TNFSF4: variants seen among roughly 807,000 people sequenced by gnomAD.
TNFSF4 encodes tumor necrosis factor ligand superfamily member 4.
Under a neutral mutation model 7.3 loss-of-function variants are expected in TNFSF4, and 4 were observed. That is an observed-to-expected ratio of 0.55 (90% CI 0.27 to 1.25). TNFSF4 has a LOEUF of 1.25. Among genes scored for constraint, TNFSF4 ranks in the 50% most tolerant of loss-of-function variants. The pLI is 0.12. For synonymous variants in TNFSF4, 76 were observed against 83.7 expected (o/e 0.91, Z 0.50); for missense variants, 181 against 208.8 (o/e 0.87, Z 0.82).
chr1:173,335,213 T>C, the TNFSF4 span, among the ~76,000 whole-genome samples: 1 of 152,084 alleles, frequency 6.6e-6, no homozygotes, highest in East Asian at 1.9e-4. Flanking sequence ...AAACCTGCCT[T>C]CTTTCAATGT....
At chr1:173,216,765 C>T in the TNFSF4 span, among the ~76,000 whole-genome samples, 2 of 152,158 alleles carry the variant, frequency 1.3e-5, no homozygotes, top group East Asian at 1.9e-4. Flanking sequence ...CACAAACACA[C>T]ACATGAAAAA....
At chr1:173,401,369 C>T in the TNFSF4 span, among the ~76,000 whole-genome samples, 1 of 152,112 alleles carries the variant, frequency 6.6e-6, no homozygotes, top group South Asian at 2.1e-4. Context: ...TTGGCTGGAT[C>T]ACAGAAGCTC....
At chr1:173,415,223 T>C in the TNFSF4 span, among the ~76,000 whole-genome samples, 1 of 152,246 alleles carries the variant, frequency 6.6e-6, no homozygotes, top group East Asian at 1.9e-4. Context: ...TAACAGTTTA[T>C]TAGGGGCAAG....
the TNFSF4 span, among the ~76,000 whole-genome samples, chr1:173,399,859 A>G: frequency 1.3e-5 from 2 of 152,206 alleles, no homozygotes; most frequent in African/African-American, 2.4e-5. Flanking sequence ...GGCTACAGCT[A>G]CCACTGAGTG....
chr1:173,312,349 A>T, the TNFSF4 span, among the ~76,000 whole-genome samples: 95 of 152,200 alleles, frequency 6.2e-4, no homozygotes, highest in African/African-American at 2.1e-3. Context: ...TTTTACTCAT[A>T]CAACTGCCTT....
the TNFSF4 span, among the ~76,000 whole-genome samples, chr1:173,241,442 T>C: frequency 6.6e-6 from 1 of 152,256 alleles, no homozygotes; most frequent in Admixed American, 6.5e-5. Context: ...ATTTGTCTTT[T>C]ATCCAGAGGA....
chr1:173,416,638 T>TGA, the TNFSF4 span, among the ~76,000 whole-genome samples: 152 of 110,144 alleles, frequency 1.4e-3, no homozygotes, highest in African/African-American at 3.3e-3. Flanking sequence ...ATTTATTTTT[T>TGA]GAGAGAGAGA....
At chr1:173,360,371 CT>C in the TNFSF4 span, among the ~76,000 whole-genome samples, 1 of 152,212 alleles carries the variant, frequency 6.6e-6, no homozygotes, top group Non-Finnish European at 1.5e-5. Context: ...GCAGAAAAGC[CT>C]TTCAAAAATT....
upstream of TNFSF4, among the ~76,000 whole-genome samples, chr1:173,208,718 G>C (rs908724091): frequency 6.6e-6 from 1 of 152,062 alleles, no homozygotes; most frequent in Non-Finnish European, 1.5e-5. Context: ...TACATACAGG[G>C]TGTGGAGAAA....
chr1:173,226,302 C>T, the TNFSF4 span, among the ~76,000 whole-genome samples: 1 of 152,194 alleles, frequency 6.6e-6, no homozygotes, highest in African/African-American at 2.4e-5. Context: ...ATTTATATCT[C>T]TCCAGTGGAA....
At chr1:173,384,041 C>T in the TNFSF4 span, among the ~76,000 whole-genome samples, 1 of 152,146 alleles carries the variant, frequency 6.6e-6, no homozygotes, top group Non-Finnish European at 1.5e-5. Context: ...GGATATTAGC[C>T]ACTTCATGTA....
At chr1:173,284,207 A>G in the TNFSF4 span, among the ~76,000 whole-genome samples, 1 of 152,204 alleles carries the variant, frequency 6.6e-6, no homozygotes, top group Non-Finnish European at 1.5e-5. Flanking sequence ...CATTCAATGA[A>G]TCATTGTGAC....
intron 1 of TNFSF4, among the ~76,000 whole-genome samples, chr1:173,194,379 C>CAGA (rs1649608285): frequency 6.6e-6 from 1 of 152,098 alleles, no homozygotes; most frequent in African/African-American, 2.4e-5. Flanking sequence ...GAAAATAGTC[C>CAGA]CTGTACATAA....
the TNFSF4 span, among the ~76,000 whole-genome samples, chr1:173,380,509 G>A: frequency 8.6e-5 from 13 of 152,020 alleles, no homozygotes; most frequent in African/African-American, 1.4e-4. Context: ...TGACTTGTCC[G>A]CTTCTCAGGG....
chr1:173,275,542 C>T, the TNFSF4 span, among the ~76,000 whole-genome samples: 1 of 152,156 alleles, frequency 6.6e-6, no homozygotes, highest in African/African-American at 2.4e-5. Context: ...GATTACAACA[C>T]TCTGTTGGCC....
the TNFSF4 span, among the ~76,000 whole-genome samples, chr1:173,241,978 C>T: frequency 2.0e-5 from 3 of 152,270 alleles, no homozygotes; most frequent in Middle Eastern, 3.4e-3. Flanking sequence ...ACAGCCAGGC[C>T]TTTGGGGGCC....
At chr1:173,248,020 A>G in the TNFSF4 span, among the ~76,000 whole-genome samples, 1 of 152,212 alleles carries the variant, frequency 6.6e-6, no homozygotes, top group African/African-American at 2.4e-5. Context: ...GCTGATGAAC[A>G]GGACTTGAGG....
chr1:173,185,953 T>A lies in TNFSF4; in HGVS notation c.*563A>T, dbSNP rs992464324. 3.3e-5 allele frequency: 5 copies of A among 152,322 alleles called. No homozygotes were observed. Among genetic ancestry groups the A allele is most frequent in the Non-Finnish European group, 5.9e-5 (4 of 68,140 alleles). The allele number at this position is 152,322 out of a possible 1,614,324, so 9.4% of individuals were successfully genotyped here. ...GATTTTTCACAAGCTGATTCTTCTT[T>A]TGAACCCCCACCAAATGAGAAAGTT... On this transcript the variant is annotated 3_prime_UTR_variant, in exon 3 of 3. Transcript: ENST00000281834.
At chr1:173,229,983 G>A in the TNFSF4 span, among the ~76,000 whole-genome samples, 1 of 151,916 alleles carries the variant, frequency 6.6e-6, no homozygotes, top group South Asian at 2.1e-4. Flanking sequence ...CAATAATAAT[G>A]GGAGACGTTA....
Sources: gnomAD v4.1 joint callset for allele counts (sites outside exome capture counted in the v4.1 genomes callset) on GRCh38, gnomAD v4.1.1 for gene constraint, MANE v1.5 for transcripts, NCBI Gene and HGNC (gene_info 2026-07-23, HGNC 2026-07-21) for gene names.